VGLL3: variants seen among roughly 807,000 people sequenced by gnomAD.
VGLL3 encodes the protein vestigial like family member 3.
In VGLL3, 18 loss-of-function variants were observed where a neutral mutation model predicts 29.2. The observed-to-expected ratio is 0.62, with a 90% confidence interval of 0.43 to 0.91. The LOEUF (loss-of-function observed/expected upper bound fraction) is 0.91. Among genes scored for constraint, VGLL3 ranks in the 40% least tolerant of loss-of-function variants. The probability of loss-of-function intolerance (pLI) is 0.00; values close to 1 mark genes in which losing one functional copy is unlikely to be tolerated. For missense variants in VGLL3, 440 were observed against 413.2 expected, an observed-to-expected ratio of 1.06 and a Z score of -0.56; for synonymous variants, 180 against 151.8, an observed-to-expected ratio of 1.19 and a Z score of -1.36.
chr3:86,990,617 C>A lies in VGLL3; in HGVS notation c.126+1G>T. ...AGCAGGCTGCCCGTCCGGTGACTCA[C>A]CTGCTGGCCAGGTTGGGGCGCCGGC... On this transcript the variant is annotated splice_donor_variant, in intron 1 of 3. Transcript: ENST00000398399. LOFTEE classifies it high-confidence loss of function. 7.4e-7 allele frequency: 1 copy of A among 1,353,362 alleles called. No individual in the cohort carries two copies. Among genetic ancestry groups the A allele is most frequent in the South Asian group, 2.3e-5 (1 of 42,738 alleles). The allele number at this position is 1,353,362 out of a possible 1,614,324, so 83.8% of individuals were successfully genotyped here.
chr3:86,965,050 G>A (rs372483233), intron 3 of VGLL3, among the ~76,000 whole-genome samples: 1 of 151,804 alleles, frequency 6.6e-6, no homozygotes. Context: ...CCAGCTACTC[G>A]GGAGGCTGAG....
intron 3 of VGLL3, 118 bp downstream of exon 3, chr3:86,968,472 T>C (rs1401357499): frequency 4.1e-6 from 5 of 1,219,480 alleles, no homozygotes; most frequent in East Asian, 2.5e-5. Context: ...CTAGGTTCCA[T>C]AAACATGTTG....
intron 3 of VGLL3, among the ~76,000 whole-genome samples, chr3:86,963,289 A>G (rs1298045163): frequency 1.3e-5 from 2 of 152,224 alleles, no homozygotes; most frequent in Non-Finnish European, 2.9e-5. Flanking sequence ...AGATGCTACA[A>G]CACGCATGAA....
chr3:86,971,977 C>T (rs574616053), intron 2 of VGLL3, among the ~76,000 whole-genome samples: 3 of 152,238 alleles, frequency 2.0e-5, no homozygotes, highest in African/African-American at 4.8e-5. Context: ...ACCACAAGTA[C>T]GTGCCAGAGA....
rs1409353942 is a variant in VGLL3 at position 86,946,078 on chromosome 3, G to T, written c.*946C>A. The T allele has an allele frequency of 2.0e-5, 3 of 152,064 alleles. No homozygotes were observed. Among genetic ancestry groups the T allele is most frequent in the Non-Finnish European group, 4.4e-5 (3 of 67,990 alleles). The allele number at this position is 152,064 out of a possible 1,614,324, so 9.4% of individuals were successfully genotyped here. ...AGTCACTGGCACTCATAGGTGGCAT[G>T]GTTAAATGCATTTTTTTCCTTGTAG... On this transcript the variant is annotated 3_prime_UTR_variant, in exon 4 of 4. Transcript: ENST00000398399.
chr3:86,949,598 G>A (rs956344499), intron 3 of VGLL3, among the ~76,000 whole-genome samples: 6 of 151,808 alleles, frequency 4.0e-5, no homozygotes, highest in Admixed American at 6.6e-5. Flanking sequence ...AAGCCGAGGC[G>A]GGCGGATCAC....
Position 86,938,243 on chromosome 3 carries a change from A to G in VGLL3, c.*8781T>C, listed in dbSNP as rs190591321. 1.3e-5 allele frequency: 2 copies of G among 152,326 alleles called. No individual in the cohort carries two copies. The highest frequency in any genetic ancestry group is 1.3e-4 in the Admixed American group (2 of 15,306). 9.4% of individuals were successfully genotyped at this position (152,326 alleles called of 1,614,324 possible). On this transcript the variant is annotated 3_prime_UTR_variant, in exon 4 of 4. Coordinates refer to ENST00000398399, the MANE Select transcript of VGLL3 (RefSeq NM_016206.4). ...GTGTAATCATTATCACAATCAAATTAATTAATACAACCATAACTAGAAGTA... is the reference window on the plus strand; with the variant it reads ...GTGTAATCATTATCACAATCAAATTGATTAATACAACCATAACTAGAAGTA...
At chr3:86,987,143 T>C (rs767023840) in intron 1 of VGLL3, among the ~76,000 whole-genome samples, 4 of 152,178 alleles carry the variant, frequency 2.6e-5, no homozygotes, top group Admixed American at 1.3e-4. Flanking sequence ...TTGAAATCTT[T>C]AGCTAGGCAT....
rs1705570467 is a variant in VGLL3 at position 86,990,818 on chromosome 3, C to T, written c.-75G>A. ...CTGGCGCGAGGGGCGCGGGCGCCGC[C>T]GCCGCCGCAGCTGCCGCCTCTGTCG... On this transcript the variant is annotated 5_prime_UTR_variant, in exon 1 of 4. Transcript: ENST00000398399. 2 of 1,204,746 alleles carry T rather than the reference C, an allele frequency of 1.7e-6. No individual in the cohort carries two copies. The highest frequency in any genetic ancestry group is 2.1e-6 in the Non-Finnish European group (2 of 964,122). 74.6% of individuals were successfully genotyped at this position (1,204,746 alleles called of 1,614,324 possible). A position where few individuals can be genotyped will look rare whatever the true frequency, so the allele number is the denominator to read the frequency against.
In VGLL3 at chr3:86,968,862, A is replaced by G. The variant is rs756081647; in HGVS notation, c.665T>C (p.Met222Thr). The G allele has an allele frequency of 2.5e-6, 4 of 1,614,210 alleles. No individual in the cohort carries two copies. In the South Asian group the frequency reaches 4.4e-5, roughly 18 times the overall value. The part of the protein sequence containing the change: ...TSQVSPSYSH[M>T]HDVYMRHHHP... ...GTGGTGCCGCATGTACACGTCATGC[A>G]TATGGCTGTAGGATGGGCTCACCTG... Residue 222 changes from methionine to threonine, a missense_variant, in exon 3 of 4, where the codon ATG becomes ACG. Transcript: ENST00000398399.
At chr3:86,985,198 G>A (rs908809745) in intron 1 of VGLL3, among the ~76,000 whole-genome samples, 2 of 151,986 alleles carry the variant, frequency 1.3e-5, no homozygotes, top group African/African-American at 4.8e-5. Flanking sequence ...TTCTTACATT[G>A]GCTGCCTCTT....
intron 1 of VGLL3, among the ~76,000 whole-genome samples, chr3:86,988,640 C>CAAAA (rs869098443): frequency 3.6e-4 from 5 of 13,764 alleles, no homozygotes; most frequent in African/African-American, 4.8e-4. Context: ...TTTACTTGAC[C>CAAAA]AAAAAAAAAA....
intron 3 of VGLL3, among the ~76,000 whole-genome samples, chr3:86,959,813 T>C (rs1169152282): frequency 6.6e-6 from 1 of 152,144 alleles, no homozygotes; most frequent in Non-Finnish European, 1.5e-5. Context: ...AGGTTATTTG[T>C]AGAACTTTCC....
At position 86,954,862 on chromosome 3, in the gene VGLL3, C is replaced by A. The variant is rs1238997690; in HGVS notation, c.938-7795G>T. Among the ~76,000 whole-genome samples the A allele has an allele frequency of 3.3e-5, 5 of 150,548 alleles. No individual in the cohort carries two copies. The South Asian group carries it at 1.0e-3, about 31-fold the overall frequency. Reference sequence around the variant, plus strand: ...TGAAATGGAATACTCTTTGTAATTTCTTCTACAGGCTTTCTCCCAGAACTG... The same window carrying A: ...TGAAATGGAATACTCTTTGTAATTTATTCTACAGGCTTTCTCCCAGAACTG... On this transcript the variant is annotated intron_variant, in intron 3 of 3. Transcript: ENST00000398399.
Position 86,939,008 on chromosome 3 carries a change from C to T in VGLL3, c.*8016G>A, listed in dbSNP as rs146613975. The stretch of plus-strand genomic sequence containing the variant: ...GCACTAGATGACCTGTTCTCCACCC[C>T]CTAGACTGCTCATCTTACATAAGTA... On this transcript the variant is annotated 3_prime_UTR_variant, in exon 4 of 4. Coordinates refer to ENST00000398399, the MANE Select transcript of VGLL3 (RefSeq NM_016206.4). 80 of 152,318 alleles carry T rather than the reference C, an allele frequency of 5.3e-4. No homozygotes were observed. The highest frequency in any genetic ancestry group is 1.8e-3 in the African/African-American group (76 of 41,568). 9.4% of individuals were successfully genotyped at this position (152,318 alleles called of 1,614,324 possible).
At chr3:86,964,604 C>T (rs1157292784) in intron 3 of VGLL3, among the ~76,000 whole-genome samples, 2 of 152,072 alleles carry the variant, frequency 1.3e-5, no homozygotes, top group African/African-American at 2.4e-5. Flanking sequence ...GGGTGGAGGC[C>T]TCATGAATGG....
At chr3:86,974,806 C>T (rs1046879203) in intron 2 of VGLL3, among the ~76,000 whole-genome samples, 1 of 152,144 alleles carries the variant, frequency 6.6e-6, no homozygotes, top group Non-Finnish European at 1.5e-5. Context: ...AGCATCATTG[C>T]CATGGCCACT....
chr3:86,943,511 T>A lies in VGLL3; in HGVS notation c.*3513A>T, dbSNP rs1559716147. The A allele has an allele frequency of 6.6e-6, 1 of 152,192 alleles. No homozygotes were observed. The highest frequency in any genetic ancestry group is 1.5e-5 in the Non-Finnish European group (1 of 68,024). 9.4% of individuals were successfully genotyped at this position (152,192 alleles called of 1,614,324 possible). ...ATGTCAGTGCTTAGAATTTGGGTTT[T>A]TTTTTTAAAGTCTTATAAAGTTAAA... On this transcript the variant is annotated 3_prime_UTR_variant, in exon 4 of 4. Transcript: ENST00000398399.
intron 2 of VGLL3, among the ~76,000 whole-genome samples, chr3:86,971,771 A>T (rs1482119442): frequency 6.6e-6 from 1 of 152,248 alleles, no homozygotes; most frequent in Non-Finnish European, 1.5e-5. Context: ...CCACAATGAA[A>T]GCCATCAATG....
Sources: allele counts gnomAD v4.1 joint callset (sites outside exome capture counted in the v4.1 genomes callset), GRCh38; gene constraint gnomAD v4.1.1; transcripts MANE v1.5; gene names NCBI Gene and HGNC (gene_info 2026-07-23, HGNC 2026-07-21).